The following NPS variants were observed in gnomAD, a reference collection of about 807,000 sequenced individuals.
The protein encoded by NPS is neuropeptide S.
Under a neutral mutation model 7.2 loss-of-function variants are expected in NPS, and 6 were observed. That is an observed-to-expected ratio of 0.83 (90% confidence interval 0.46 to 1.64). The LOEUF (loss-of-function observed/expected upper bound fraction) is 1.64. Among genes scored for constraint, NPS ranks in the 40% most tolerant of loss-of-function variants. The pLI is 0.01. For missense variants in NPS, 123 were observed against 97.8 expected (o/e 1.26, Z -1.09); for synonymous variants, 42 against 36.7 (o/e 1.14, Z -0.52).
chr10:127,551,047 C>A (rs762133683), intron 2 of NPS, among the ~76,000 whole-genome samples: 1 of 152,190 alleles, frequency 6.6e-6, no homozygotes, highest in Admixed American at 6.5e-5. Flanking sequence ...CTGGAAAGAA[C>A]TGGCTTGCTT....
intron 2 of NPS, 38 bp downstream of exon 2, chr10:127,549,608 G>T (rs890838252): frequency 9.1e-7 from 1 of 1,099,644 alleles, no homozygotes. Flanking sequence ...TTAAATAGAT[G>T]ACTAGAATGG....
chr10:127,550,188 G>A (rs975044790), intron 2 of NPS, among the ~76,000 whole-genome samples: 1 of 151,836 alleles, frequency 6.6e-6, no homozygotes, highest in Non-Finnish European at 1.5e-5. Context: ...TGTCATTGAC[G>A]GCATTTTGAA....
At chr10:127,551,881 G>C (rs1204256972) in intron 2 of NPS, among the ~76,000 whole-genome samples, 1 of 151,968 alleles carries the variant, frequency 6.6e-6, no homozygotes, top group African/African-American at 2.4e-5. Context: ...GTTCCTGAAG[G>C]CCAGTTTGAA....
Position 127,552,626 on chromosome 10 carries a change from G to T in NPS, c.257G>T (p.Arg86Ile). ...GTGMKKTSFQRAKS is the reference protein window; with the variant it reads ...GTGMKKTSFQIAKS ...GGGATGAAAAAAACTTCCTTTCAAA[G>T]AGCAAAATCATGACTAAGTGTGCAA... is the stretch of plus-strand genomic sequence containing the variant. The change falls in exon 3 of 3, where the codon AGA (arginine) becomes ATA (isoleucine). Residue 86 changes from arginine (R) to isoleucine (I), a missense_variant. Physicochemically the swap from Arg to Ile is moderately conservative, Grantham distance 97 (BLOSUM62 -3). Coordinates refer to ENST00000398023, the MANE Select transcript of NPS (RefSeq NM_001030013.2). 1 of 1,611,912 alleles carries T rather than the reference G, an allele frequency of 6.2e-7. No individual in the cohort carries two copies. Among genetic ancestry groups the T allele is most frequent in the South Asian group, 1.1e-5 (1 of 90,978 alleles).
chr10:127,551,349 A>G (rs1844857295), intron 2 of NPS, among the ~76,000 whole-genome samples: 1 of 152,052 alleles, frequency 6.6e-6, no homozygotes, highest in Non-Finnish European at 1.5e-5. Context: ...TGGGTGAAGA[A>G]TTACAGGGAA....
In NPS at chr10:127,549,584, T is replaced by A; in HGVS notation, c.90+14T>A. 3.4e-6 allele frequency: 5 copies of A among 1,471,168 alleles called. No homozygotes were observed. Among genetic ancestry groups the A allele is most frequent in the Non-Finnish European group, 4.8e-6 (5 of 1,050,268 alleles). 91.1% of individuals were successfully genotyped at this position (1,471,168 alleles called of 1,614,324 possible). A position where few individuals can be genotyped will look rare whatever the true frequency, so the allele number is the denominator to read the frequency against. ...CCATCTTCTAAGGTAAGGATTTGCC[T>A]CCGTTGTGGATATTTAAATAGATGA... On this transcript the variant is annotated intron_variant, in intron 2 of 2. Transcript: ENST00000398023.
chr10:127,552,524 G>C lies in NPS; in HGVS notation c.155G>C (p.Ser52Thr). Residue 52 changes from serine (S) to threonine (T), a missense_variant, in exon 3 of 3, where the codon AGC becomes ACC. Transcript: ENST00000398023. Reference protein sequence around the residue: ...LNSCPTRLDRSKELAFLKPIL... With the variant: ...LNSCPTRLDRTKELAFLKPIL... Reference sequence around the variant, plus strand: ...AGCTGCCCAACCAGATTGGACAGGAGCAAAGAACTAGCTTTTCTAAAGCCA... The same window carrying C: ...AGCTGCCCAACCAGATTGGACAGGACCAAAGAACTAGCTTTTCTAAAGCCA... 6.2e-7 allele frequency: 1 copy of C among 1,612,470 alleles called. No individual in the cohort carries two copies. Among genetic ancestry groups the C allele is most frequent in the Non-Finnish European group, 8.5e-7 (1 of 1,178,522 alleles).
chr10:127,551,274 T>TTTC (rs1844856698), intron 2 of NPS, among the ~76,000 whole-genome samples: 1 of 152,102 alleles, frequency 6.6e-6, no homozygotes, highest in Non-Finnish European at 1.5e-5. Flanking sequence ...CCATTTTTTT[T>TTTC]CCCCAGAGGC....
Position 127,552,556 on chromosome 10 carries a change from GAGA to G in NPS, c.191_193del (p.Lys64del), listed in dbSNP as rs774625360. On this transcript the variant is annotated inframe_deletion, in exon 3 of 3. Coordinates refer to ENST00000398023, the MANE Select transcript of NPS (RefSeq NM_001030013.2). ...ACTAGCTTTTCTAAAGCCAATTTTGGAGAAGATGTTTGTGAAAAGGTCCTTTCG... is the reference window on the plus strand; with the variant it reads ...ACTAGCTTTTCTAAAGCCAATTTTGGAGATGTTTGTGAAAAGGTCCTTTCG... 3.7e-6 allele frequency: 6 copies of G among 1,613,360 alleles called. No homozygotes were observed. Among genetic ancestry groups the G allele is most frequent in the South Asian group, 2.2e-5 (2 of 91,068 alleles).
At chr10:127,550,324 A>G (rs1257112340) in intron 2 of NPS, among the ~76,000 whole-genome samples, 2 of 152,308 alleles carry the variant, frequency 1.3e-5, no homozygotes, top group East Asian at 3.9e-4. Flanking sequence ...ATATGTCTGA[A>G]CATAATGATC....
At chr10:127,551,622 G>T (rs1050359321) in intron 2 of NPS, among the ~76,000 whole-genome samples, 1 of 152,124 alleles carries the variant, frequency 6.6e-6, no homozygotes, top group East Asian at 1.9e-4. Context: ...TGCCCATAAT[G>T]CAAGCAGCAC....
intron 1 of NPS, 22 bp downstream of exon 1, chr10:127,549,398 C>A (rs1591156455): frequency 6.2e-7 from 1 of 1,604,466 alleles, no homozygotes; most frequent in Non-Finnish European, 8.5e-7. Context: ...CGTTTTTCTG[C>A]AAAGAAAAAT....
Position 127,552,730 on chromosome 10 carries a change from G to A in NPS, c.*91G>A, listed in dbSNP as rs74161321. The A allele has an allele frequency of 1.2e-4, 95 of 813,962 alleles. No individual in the cohort carries two copies. The African/African-American group carries it at 1.5e-3, about 13-fold the overall frequency. 50.4% of individuals were successfully genotyped at this position (813,962 alleles called of 1,614,324 possible). ...ATCGTCTCTTTATCATTGAGTGTTG[G>A]CATGCTCTCTATTCTCAAATATCTT... On this transcript the variant is annotated 3_prime_UTR_variant, in exon 3 of 3. Coordinates refer to ENST00000398023, the MANE Select transcript of NPS (RefSeq NM_001030013.2).
chr10:127,552,460 G>GTGT lies in NPS; in HGVS notation c.92_94dup (p.Val31_Ser32insLeu). The stretch of plus-strand genomic sequence containing the variant: ...TCTCCTCACCCATCTGAATTGCCAG[G>GTGT]TGTCTGGAAAATCTGATTACTTTCT... On this transcript the variant is annotated inframe_insertion and splice_region_variant, in exon 3 of 3. Coordinates refer to ENST00000398023, the MANE Select transcript of NPS (RefSeq NM_001030013.2). The GTGT allele has an allele frequency of 5.0e-6, 8 of 1,590,096 alleles. No individual in the cohort carries two copies. The highest frequency in any genetic ancestry group is 6.9e-6 in the Non-Finnish European group (8 of 1,159,416).
intron 2 of NPS, among the ~76,000 whole-genome samples, chr10:127,551,620 A>G (rs1309603485): frequency 6.6e-6 from 1 of 152,160 alleles, no homozygotes; most frequent in African/African-American, 2.4e-5. Flanking sequence ...GATGCCCATA[A>G]TGCAAGCAGC....
At chr10:127,551,086 C>T (rs961863192) in intron 2 of NPS, among the ~76,000 whole-genome samples, 2 of 152,116 alleles carry the variant, frequency 1.3e-5, no homozygotes, top group Admixed American at 6.5e-5. Context: ...AGAGGCCCTT[C>T]CCTGCTGGGG....
At chr10:127,552,417 C>G in intron 2 of NPS, 43 bp from the exon 3 acceptor site, 2 of 1,144,392 alleles carry the variant, frequency 1.7e-6, no homozygotes. Context: ...ACTTTTAACC[C>G]TAAGGCTGTA....
At chr10:127,552,022 A>G (rs561729779) in intron 2 of NPS, among the ~76,000 whole-genome samples, 1 of 152,354 alleles carries the variant, frequency 6.6e-6, no homozygotes, top group Non-Finnish European at 1.5e-5. Flanking sequence ...AAGTATCAAG[A>G]CATCCTTATG....
rs1591158132 is a variant in NPS, at chr10:127,552,965, T to C, written c.*326T>C. Among the ~76,000 whole-genome samples, 1 of 135,932 alleles carries C rather than the reference T, an allele frequency of 7.4e-6. No individual in the cohort carries two copies. The highest frequency in any genetic ancestry group is 1.9e-4 in the East Asian group (1 of 5,136). The allele number at this position is 135,932 out of a possible 152,430, so 89.2% of individuals were successfully genotyped here. ...GTTGACAGTCATCACGATAGTATGA[T>C]TTTTTTTTTCCTGCCTGTAATATCA... On this transcript the variant is annotated 3_prime_UTR_variant, in exon 3 of 3. Transcript: ENST00000398023.
Sources: gnomAD v4.1 joint callset for allele counts (sites outside exome capture counted in the v4.1 genomes callset) on GRCh38, gnomAD v4.1.1 for gene constraint, MANE v1.5 for transcripts, NCBI Gene and HGNC (gene_info 2026-07-23, HGNC 2026-07-21) for gene names.